The following SPOCK1 variants were observed in gnomAD, a reference collection of about 807,000 sequenced individuals.
The protein encoded by SPOCK1 is testican-1.
SPOCK1 carries 23 observed loss-of-function variants against 55.3 expected under a neutral mutation model. The ratio of observed to expected loss-of-function variants is 0.42; its 90% CI spans 0.30 to 0.59. SPOCK1 has a LOEUF of 0.59. Ranked by LOEUF, SPOCK1 falls within the 20% of genes least tolerant of loss-of-function variation. The pLI is 0.22. For missense variants in SPOCK1, 499 were observed against 552.5 expected, an observed-to-expected ratio of 0.90 and a Z score of 0.97; for synonymous variants, 226 against 221.0, an observed-to-expected ratio of 1.02 and a Z score of -0.20.
intron 4 of SPOCK1, among the ~76,000 whole-genome samples, chr5:137,132,196 AT>A (rs1753899818): frequency 1.4e-5 from 2 of 147,088 alleles, no homozygotes; most frequent in Non-Finnish European, 3.0e-5. Flanking sequence ...AAAAAAAAAA[AT>A]CTCCAGAACT....
At chr5:137,451,855 G>A (rs913546024) in intron 2 of SPOCK1, among the ~76,000 whole-genome samples, 1 of 152,170 alleles carries the variant, frequency 6.6e-6, no homozygotes, top group Non-Finnish European at 1.5e-5. Flanking sequence ...CAGTAAGTAA[G>A]CATGTATATT....
At chr5:137,095,844 A>G (rs542998782) in intron 5 of SPOCK1, among the ~76,000 whole-genome samples, 1 of 152,360 alleles carries the variant, frequency 6.6e-6, no homozygotes, top group Admixed American at 6.5e-5. Flanking sequence ...TGACAGCTAC[A>G]GGGATAAAAA....
chr5:137,017,365 A>C (rs530687117), intron 6 of SPOCK1, among the ~76,000 whole-genome samples: 1 of 152,346 alleles, frequency 6.6e-6, no homozygotes, highest in East Asian at 1.9e-4. Context: ...TTCTGAGCCA[A>C]ATTCCAAGGG....
At chr5:137,253,466 T>C (rs957782091) in intron 3 of SPOCK1, among the ~76,000 whole-genome samples, 9 of 152,174 alleles carry the variant, frequency 5.9e-5, no homozygotes, top group Non-Finnish European at 1.3e-4. Context: ...TTTGAGGAAA[T>C]TCTATGGGGA....
intron 3 of SPOCK1, among the ~76,000 whole-genome samples, chr5:137,212,125 G>C (rs1053011224): frequency 6.6e-6 from 1 of 152,188 alleles, no homozygotes; most frequent in African/African-American, 2.4e-5. Context: ...GTGAGAGTGA[G>C]CCCTTAACCT....
At chr5:136,984,037 AT>A (rs1264795874) in intron 9 of SPOCK1, among the ~76,000 whole-genome samples, 2 of 152,182 alleles carry the variant, frequency 1.3e-5, no homozygotes, top group African/African-American at 4.8e-5. Flanking sequence ...GAGAAATGAG[AT>A]CAATAAACAA....
At chr5:137,287,757 G>A (rs1757295749) in intron 2 of SPOCK1, among the ~76,000 whole-genome samples, 1 of 152,162 alleles carries the variant, frequency 6.6e-6, no homozygotes, top group Non-Finnish European at 1.5e-5. Context: ...TGGACAGCTG[G>A]TTCAGGCTAG....
intron 6 of SPOCK1, among the ~76,000 whole-genome samples, chr5:137,034,324 T>C (rs920972199): frequency 6.6e-6 from 1 of 152,308 alleles, no homozygotes. Context: ...GGTGGGGTCC[T>C]ACCAGGTGCC....
At chr5:137,235,017 C>T (rs977275916) in intron 3 of SPOCK1, among the ~76,000 whole-genome samples, 7 of 152,208 alleles carry the variant, frequency 4.6e-5, no homozygotes, top group African/African-American at 1.7e-4. Context: ...AGTACTGCTA[C>T]GGAAGTGACA....
intron 3 of SPOCK1, among the ~76,000 whole-genome samples, chr5:137,249,482 T>C (rs1756464818): frequency 6.6e-6 from 1 of 152,192 alleles, no homozygotes; most frequent in Non-Finnish European, 1.5e-5. Flanking sequence ...AAAAGGCAAG[T>C]ATGCAGTTAA....
chr5:137,358,613 CCA>C (rs1350602450), intron 2 of SPOCK1, among the ~76,000 whole-genome samples: 1 of 151,956 alleles, frequency 6.6e-6, no homozygotes, highest in Non-Finnish European at 1.5e-5. Context: ...TAATATCTCC[CCA>C]GACAGCCGTA....
intron 2 of SPOCK1, among the ~76,000 whole-genome samples, chr5:137,400,230 T>C (rs1751947045): frequency 2.0e-5 from 3 of 152,288 alleles, no homozygotes; most frequent in Admixed American, 2.0e-4. Context: ...GAGGACAGTA[T>C]TCCAAGTACA....
At chr5:137,036,362 T>C (rs1751883737) in intron 6 of SPOCK1, among the ~76,000 whole-genome samples, 1 of 152,056 alleles carries the variant, frequency 6.6e-6, no homozygotes, top group South Asian at 2.1e-4. Flanking sequence ...TGGCAAGACA[T>C]ATGAAGACTT....
intron 6 of SPOCK1, among the ~76,000 whole-genome samples, chr5:137,059,161 T>C (rs1202404017): frequency 1.1e-5 from 1 of 91,566 alleles, no homozygotes; most frequent in African/African-American, 3.5e-5. Context: ...GACATTAAGC[T>C]TGATATGCCT....
intron 2 of SPOCK1, among the ~76,000 whole-genome samples, chr5:137,344,824 T>A (rs905044770): frequency 2.6e-4 from 39 of 152,304 alleles, no homozygotes; most frequent in African/African-American, 8.4e-4. Context: ...TGCCATTTTT[T>A]AAAAAAACAA....
At chr5:137,464,864 C>T (rs989775259) in intron 2 of SPOCK1, among the ~76,000 whole-genome samples, 1 of 152,124 alleles carries the variant, frequency 6.6e-6, no homozygotes, top group East Asian at 1.9e-4. Context: ...GTAGCAGAAA[C>T]ATTCCTAGTG....
chr5:137,401,219 A>G (rs1286784639), intron 2 of SPOCK1, among the ~76,000 whole-genome samples: 2 of 152,244 alleles, frequency 1.3e-5, no homozygotes, highest in Admixed American at 6.5e-5. Context: ...AGGAAAAGTA[A>G]TAGTGCTTAA....
At chr5:137,269,056 G>A (rs979859770) in intron 2 of SPOCK1, among the ~76,000 whole-genome samples, 3 of 124,384 alleles carry the variant, frequency 2.4e-5, no homozygotes, top group African/African-American at 6.3e-5. Context: ...TCTGGACCTT[G>A]CCACTTTTTC....
At chr5:137,142,241 G>A (rs762131775) in intron 3 of SPOCK1, among the ~76,000 whole-genome samples, 15 of 152,140 alleles carry the variant, frequency 9.9e-5, no homozygotes, top group Non-Finnish European at 1.6e-4. Flanking sequence ...ACAAAGAAAT[G>A]TCACAGTGCC....
Sources: gnomAD v4.1 joint callset for allele counts (sites outside exome capture counted in the v4.1 genomes callset) on GRCh38, gnomAD v4.1.1 for gene constraint, MANE v1.5 for transcripts, NCBI Gene and HGNC (gene_info 2026-07-23, HGNC 2026-07-21) for gene names.